Variants in SAMMSON observed in about 807,000 individuals in gnomAD.
The protein encoded by SAMMSON is long intergenic non-protein coding RNA 1212.
chr3:70,326,910 G>A (rs557132300), intron 7 of SAMMSON, among the ~76,000 whole-genome samples: 7 of 152,142 alleles, frequency 4.6e-5, no homozygotes, highest in Non-Finnish European at 7.3e-5. Flanking sequence ...TCATGCTGGA[G>A]TGCAGTGGTG....
chr3:70,006,820 C>A (rs2066929137), intron 1 of SAMMSON, among the ~76,000 whole-genome samples: 1 of 133,444 alleles, frequency 7.5e-6, no homozygotes, highest in Non-Finnish European at 1.6e-5. Flanking sequence ...ACAACAGGCC[C>A]CGGTGTGTGA....
chr3:70,130,046 T>A (rs2067475871), intron 4 of SAMMSON, among the ~76,000 whole-genome samples: 1 of 152,178 alleles, frequency 6.6e-6, no homozygotes, highest in Non-Finnish European at 1.5e-5. Flanking sequence ...AATATACACC[T>A]GTTTGAATTT....
rs35991560 is a variant in SAMMSON, at chr3:70,063,087, C to T, written n.418-8389C>T. Among the ~76,000 whole-genome samples the T allele has an allele frequency of 3.1e-3, 473 of 150,884 alleles. 4 individuals are homozygous for T. Among genetic ancestry groups the T allele is most frequent in the South Asian group, 0.023 (106 of 4,694 alleles). ...GGACCCTCTTCCTTCTGTCACCAGC[C>T]CCCCCCACCCCCGCCGCATTGACTT... On this transcript the variant is annotated intron_variant and non_coding_transcript_variant, in intron 3 of 9. Transcript: ENST00000642114.
At chr3:70,258,716 T>G (rs974524984) in intron 6 of SAMMSON, among the ~76,000 whole-genome samples, 13 of 152,114 alleles carry the variant, frequency 8.5e-5, no homozygotes, top group Non-Finnish European at 1.8e-4. Context: ...TTGAAGCATG[T>G]TTTTAATAGC....
intron 4 of SAMMSON, among the ~76,000 whole-genome samples, chr3:70,217,233 C>T (rs1701421395): frequency 6.6e-6 from 1 of 152,108 alleles, no homozygotes; most frequent in African/African-American, 2.4e-5. Flanking sequence ...GCATTTCTTA[C>T]ATGGTGAATC....
At chr3:70,126,733 T>G (rs2067460564) in intron 4 of SAMMSON, 1 of 257,050 alleles carries the variant, frequency 3.9e-6, no homozygotes, top group South Asian at 4.7e-5. Context: ...TTGTTTTTTT[T>G]GAGATGGAAT....
intron 6 of SAMMSON, among the ~76,000 whole-genome samples, chr3:70,250,298 A>G (rs1428230089): frequency 1.3e-5 from 2 of 152,062 alleles, no homozygotes; most frequent in Non-Finnish European, 2.9e-5. Flanking sequence ...TTAGGATATA[A>G]TTTGTAACTT....
intron 7 of SAMMSON, among the ~76,000 whole-genome samples, chr3:70,337,025 T>A (rs140844053): frequency 0.11 from 14,797 of 132,732 alleles, 762 homozygotes; most frequent in South Asian, 0.15. Flanking sequence ...ATTATTATTA[T>A]TAATAATAAT....
At chr3:70,118,011 G>A (rs1221691368) in intron 4 of SAMMSON, among the ~76,000 whole-genome samples, 1 of 151,968 alleles carries the variant, frequency 6.6e-6, no homozygotes, top group African/African-American at 2.4e-5. Context: ...TCCACCTCCC[G>A]GGTTCACACC....
At chr3:70,026,386 C>G (rs1042508262) in intron 3 of SAMMSON, among the ~76,000 whole-genome samples, 2 of 151,594 alleles carry the variant, frequency 1.3e-5, no homozygotes, top group Non-Finnish European at 2.9e-5. Flanking sequence ...CTACTTTTTC[C>G]TCTGTTTCAG....
intron 4 of SAMMSON, among the ~76,000 whole-genome samples, chr3:70,121,491 A>G (rs917256334): frequency 6.6e-6 from 1 of 152,184 alleles, no homozygotes; most frequent in Non-Finnish European, 1.5e-5. Flanking sequence ...CATTTACTTT[A>G]AAGAATTTTT....
intron 2 of SAMMSON, among the ~76,000 whole-genome samples, chr3:70,418,509 C>T (rs1701283163): frequency 6.6e-6 from 1 of 152,164 alleles, no homozygotes; most frequent in Non-Finnish European, 1.5e-5. Flanking sequence ...AATACCCTGC[C>T]ATCCTGGCAT....
intron 7 of SAMMSON, chr3:70,312,785 A>G (rs1482695614): frequency 1.3e-5 from 2 of 152,026 alleles, no homozygotes; most frequent in Non-Finnish European, 2.9e-5. Flanking sequence ...GGTTGAAAAC[A>G]ATAAAAACCT....
chr3:70,243,442 T>G (rs1428917755), intron 4 of SAMMSON, among the ~76,000 whole-genome samples: 1 of 152,212 alleles, frequency 6.6e-6, no homozygotes, highest in Non-Finnish European at 1.5e-5. Context: ...GCTCTCTTTC[T>G]TTCAGAGTTG....
At chr3:70,143,603 CAG>C (rs1383029783) in intron 4 of SAMMSON, among the ~76,000 whole-genome samples, 4 of 152,066 alleles carry the variant, frequency 2.6e-5, no homozygotes, top group Admixed American at 6.6e-5. Flanking sequence ...GGGTTTCCAG[CAG>C]AGAGTAAGAG....
At chr3:70,072,792 A>G (rs2067235428) in intron 4 of SAMMSON, 2 of 152,046 alleles carry the variant, frequency 1.3e-5, no homozygotes, top group South Asian at 4.1e-4. Flanking sequence ...ACTTAGGTAA[A>G]TTTATTTATG....
intron 4 of SAMMSON, among the ~76,000 whole-genome samples, chr3:70,189,199 C>T (rs73116237): frequency 0.13 from 19,337 of 152,058 alleles, 1,581 homozygotes; most frequent in Non-Finnish European, 0.19. Flanking sequence ...AAGGATAAAG[C>T]CAGGAGAATT....
chr3:70,328,200 C>G (rs1037802684), intron 7 of SAMMSON, among the ~76,000 whole-genome samples: 1 of 152,156 alleles, frequency 6.6e-6, no homozygotes, highest in Non-Finnish European at 1.5e-5. Flanking sequence ...TTCCACAACA[C>G]GTGGGAATTA....
chr3:70,287,663 A>G (rs1420566363), intron 6 of SAMMSON, among the ~76,000 whole-genome samples: 2 of 152,112 alleles, frequency 1.3e-5, no homozygotes, highest in Non-Finnish European at 2.9e-5. Context: ...CTCTGGTAGA[A>G]TTTGGCTGTG....
Sources: gnomAD v4.1 joint callset for allele counts (sites outside exome capture counted in the v4.1 genomes callset) on GRCh38, gnomAD v4.1.1 for gene constraint, MANE v1.5 for transcripts, NCBI Gene and HGNC (gene_info 2026-07-23, HGNC 2026-07-21) for gene names.